Variants in EHMT1 observed in about 807,000 individuals in gnomAD.
EHMT1 encodes the protein euchromatic histone lysine methyltransferase 1.
A neutral mutation model predicts 147.2 loss-of-function variants in EHMT1; 15 were observed. The observed-to-expected ratio is 0.10, with a 90% CI of 0.07 to 0.16. The LOEUF is 0.16. Among genes scored for constraint, EHMT1 ranks in the 10% least tolerant of loss-of-function variants. The pLI, the probability that EHMT1 is intolerant of heterozygous loss-of-function variation, is 1.00. For synonymous variants in EHMT1, 795 were observed against 709.6 expected (o/e 1.12, Z -1.91); for missense variants, 1,587 against 1,772.4 (o/e 0.90, Z 1.88).
chr9:137,635,648 G>A (rs564411254), intron 1 of EHMT1, among the ~76,000 whole-genome samples: 43 of 151,182 alleles, frequency 2.8e-4, no homozygotes, highest in African/African-American at 4.8e-4. Context: ...GTGAAACCCC[G>A]TCTCTACTAA....
intron 18 of EHMT1, among the ~76,000 whole-genome samples, chr9:137,805,716 G>GATCTTGTCGCC (rs1217498182): frequency 1.3e-5 from 2 of 151,346 alleles, no homozygotes; most frequent in African/African-American, 4.9e-5. Flanking sequence ...AGGCTGGAAT[G>GATCTTGTCGCC]CAGTGGCATG....
intron 10 of EHMT1, among the ~76,000 whole-genome samples, chr9:137,766,076 G>A (rs542218708): frequency 6.6e-6 from 1 of 152,126 alleles, no homozygotes; most frequent in African/African-American, 2.4e-5. Flanking sequence ...TGGGCAACAT[G>A]ATGAAACCCC....
chr9:137,717,738 A>T (rs1945490560), intron 3 of EHMT1, among the ~76,000 whole-genome samples: 1 of 152,138 alleles, frequency 6.6e-6, no homozygotes, highest in Non-Finnish European at 1.5e-5. Flanking sequence ...TCTCTGTAGA[A>T]ACGTGTCAGA....
At chr9:137,738,759 G>A (rs1015823486) in intron 4 of EHMT1, 11 of 152,138 alleles carry the variant, frequency 7.2e-5, no homozygotes, top group Admixed American at 2.0e-4. Flanking sequence ...GATGAGCCTC[G>A]GGGACACTGT....
chr9:137,619,505 C>T (rs1030027083), intron 1 of EHMT1, among the ~76,000 whole-genome samples: 1 of 152,134 alleles, frequency 6.6e-6, no homozygotes, highest in South Asian at 2.1e-4. Flanking sequence ...CCTCTCGGAG[C>T]TCTTCCTTCG....
intron 1 of EHMT1, among the ~76,000 whole-genome samples, chr9:137,636,026 G>T (rs1359881404): frequency 2.6e-5 from 4 of 151,164 alleles, no homozygotes; most frequent in East Asian, 2.0e-4. Context: ...GGTTCAAGCA[G>T]TTCTCCTGCC....
rs548122859 is a variant in EHMT1, at chr9:137,727,099, G to C, written c.643-1250G>C. Among the ~76,000 whole-genome samples the C allele has an allele frequency of 2.0e-3, 311 of 152,196 alleles. 2 individuals are homozygous for C. The highest frequency in any genetic ancestry group is 7.2e-3 in the African/African-American group (299 of 41,520). ...AGATGTTTTCTCCATTCCATAACCT[G>C]CTTTTTCACTGTTAACTATGTCCTT... On this transcript the variant is annotated intron_variant, in intron 3 of 26. Coordinates refer to ENST00000460843, the MANE Select transcript of EHMT1 (RefSeq NM_024757.5).
intron 4 of EHMT1, among the ~76,000 whole-genome samples, chr9:137,741,454 C>A (rs1948074523): frequency 6.6e-6 from 1 of 152,132 alleles, no homozygotes; most frequent in Admixed American, 6.5e-5. Context: ...GCTGGTCATG[C>A]TGTTGTCACA....
chr9:137,747,511 G>T (rs907455469), intron 6 of EHMT1: 1 of 152,192 alleles, frequency 6.6e-6, no homozygotes, highest in Non-Finnish European at 1.5e-5. Flanking sequence ...ATGATTGTAA[G>T]GAAGTAGGGC....
At chr9:137,718,901 G>A (rs1296768714) in intron 3 of EHMT1, among the ~76,000 whole-genome samples, 11 of 151,618 alleles carry the variant, frequency 7.3e-5, no homozygotes, top group African/African-American at 2.2e-4. Context: ...GACTACAGGC[G>A]CCTACCACCA....
intron 4 of EHMT1, among the ~76,000 whole-genome samples, chr9:137,741,222 C>T (rs902925692): frequency 2.0e-5 from 3 of 152,154 alleles, no homozygotes; most frequent in Non-Finnish European, 2.9e-5. Context: ...GTGATCCACC[C>T]GCCTCGGCCT....
chr9:137,677,615 CG>C (rs1169856325), intron 1 of EHMT1, among the ~76,000 whole-genome samples: 3 of 151,846 alleles, frequency 2.0e-5, no homozygotes, highest in Non-Finnish European at 2.9e-5. Flanking sequence ...TTAGTAGAGA[CG>C]GGGTTTCATC....
At chr9:137,779,561 C>T (rs958557525) in intron 13 of EHMT1, 74 bp from the exon 14 acceptor site, 102 of 1,527,522 alleles carry the variant, frequency 6.7e-5, no homozygotes, top group African/African-American at 3.7e-4. Context: ...AGATGTCCGC[C>T]GGGCCTTCCA....
At chr9:137,652,096 T>G (rs1056709508) in intron 1 of EHMT1, among the ~76,000 whole-genome samples, 2 of 152,176 alleles carry the variant, frequency 1.3e-5, no homozygotes, top group African/African-American at 4.8e-5. Flanking sequence ...GGCAGGCCCT[T>G]CAGGAGGAGT....
chr9:137,668,132 G>C (rs1387064256), intron 1 of EHMT1, among the ~76,000 whole-genome samples: 1 of 152,142 alleles, frequency 6.6e-6, no homozygotes, highest in Non-Finnish European at 1.5e-5. Flanking sequence ...GGTGAAGGAA[G>C]ACAAAAGGAA....
chr9:137,698,522 T>C (rs1943580314), intron 1 of EHMT1, among the ~76,000 whole-genome samples: 1 of 152,288 alleles, frequency 6.6e-6, no homozygotes, highest in Admixed American at 6.5e-5. Context: ...GTGAGCAGGT[T>C]GCCAGGTTGT....
rs546947073 is a variant in EHMT1, at chr9:137,815,786, C to T, written c.3259-161C>T. The T allele has an allele frequency of 6.6e-4, 457 of 697,490 alleles. 1 individual carries two copies. The highest frequency in any genetic ancestry group is 1.0e-3 in the Non-Finnish European group (391 of 386,248). 43.2% of individuals were successfully genotyped at this position (697,490 alleles called of 1,614,324 possible). A position where few individuals can be genotyped will look rare whatever the true frequency, so the allele number is the denominator to read the frequency against. On this transcript the variant is annotated intron_variant, in intron 22 of 26. Coordinates refer to ENST00000460843, the MANE Select transcript of EHMT1 (RefSeq NM_024757.5). ...GTGGAGGCTTCTCATCCAAACCGTA[C>T]ACATGGAGTTTTTCCCTAGGTGGGT...
chr9:137,824,801 T>G (rs2132962620), intron 25 of EHMT1, among the ~76,000 whole-genome samples: 1 of 152,360 alleles, frequency 6.6e-6, no homozygotes, highest in South Asian at 2.1e-4. Context: ...TTGGAAATAA[T>G]GCGGAAATAC....
Position 137,732,660 on chromosome 9 carries a change from C to T in EHMT1, c.823+4131C>T, listed in dbSNP as rs906769234. ...AAGTTCTCACTCCAGGTTGTGGATT[C>T]TGCCGGGAACTGGCAGCCCGGTTTT... On this transcript the variant is annotated intron_variant, in intron 4 of 26. Coordinates refer to ENST00000460843, the MANE Select transcript of EHMT1 (RefSeq NM_024757.5). This position sits in a 1 kb window ranked among gnomAD's most constrained non-coding sequence, Gnocchi z 4.6. Among the ~76,000 whole-genome samples, 1 of 152,200 alleles carries T rather than the reference C, an allele frequency of 6.6e-6. No individual in the cohort carries two copies. Among genetic ancestry groups the T allele is most frequent in the Non-Finnish European group, 1.5e-5 (1 of 68,038 alleles).
Sources: gnomAD v4.1 joint callset for allele counts (sites outside exome capture counted in the v4.1 genomes callset) on GRCh38, gnomAD v4.1.1 for gene constraint, Gnocchi (gnomAD v3.1) non-coding constraint, MANE v1.5 for transcripts, NCBI Gene and HGNC (gene_info 2026-07-23, HGNC 2026-07-21) for gene names.